The following ZNRF3 variants were observed in gnomAD, a reference collection of about 807,000 sequenced individuals.
ZNRF3 encodes E3 ubiquitin-protein ligase ZNRF3.
In ZNRF3, 23 loss-of-function variants were observed where a neutral mutation model predicts 72.5. That is an observed-to-expected ratio of 0.32 (90% CI 0.23 to 0.45). ZNRF3 has a LOEUF of 0.45. Ranked by LOEUF, ZNRF3 falls within the 20% of genes least tolerant of loss-of-function variation. The pLI, the probability that ZNRF3 is intolerant of heterozygous loss-of-function variation, is 1.00. For synonymous variants in ZNRF3, 610 were observed against 545.3 expected, an observed-to-expected ratio of 1.12 and a Z score of -1.65; for missense variants, 1,169 against 1,272.1, an observed-to-expected ratio of 0.92 and a Z score of 1.23.
chr22:28,911,871 G>C (rs469991), intron 1 of ZNRF3, among the ~76,000 whole-genome samples: 91,019 of 151,930 alleles, frequency 0.6, 28,677 homozygotes, highest in Non-Finnish European at 0.7. Flanking sequence ...CAATAGAGTG[G>C]TAGGCTGGTT....
intron 1 of ZNRF3, among the ~76,000 whole-genome samples, chr22:28,893,852 A>G (rs1278247316): frequency 1.3e-5 from 2 of 152,154 alleles, no homozygotes; most frequent in Non-Finnish European, 2.9e-5. Flanking sequence ...GTTAAGTGAT[A>G]TAAACATTTT....
Position 29,050,415 on chromosome 22 carries a change from C to T in ZNRF3, c.2234C>T (p.Pro745Leu), listed in dbSNP as rs181836208. 636 of 1,607,228 alleles carry T rather than the reference C, an allele frequency of 4.0e-4. 3 individuals carry two copies. In the African/African-American group the frequency reaches 7.3e-3, roughly 18 times the overall value. The change falls in exon 8 of 9, where the codon CCG (proline) becomes CTG (leucine). Residue 745 changes from proline (P) to leucine (L), a missense_variant. Pro to Leu is a moderately conservative substitution (Grantham distance 98). Coordinates refer to ENST00000544604, the MANE Select transcript of ZNRF3 (RefSeq NM_001206998.2). ...LGPHLYEGSGPAGGEPQSGSS... is the reference protein window; with the variant it reads ...LGPHLYEGSGLAGGEPQSGSS... ...CCCCACCTCTACGAGGGCTCTGGCC[C>T]GGCGGGTGGGGAGCCCCAGTCAGGA...
intron 2 of ZNRF3, among the ~76,000 whole-genome samples, chr22:29,036,518 G>A (rs1299349582): frequency 6.6e-6 from 1 of 152,162 alleles, no homozygotes; most frequent in Non-Finnish European, 1.5e-5. Context: ...CTCATCAACA[G>A]ACCGCCTAAC....
intron 2 of ZNRF3, among the ~76,000 whole-genome samples, chr22:29,005,288 A>C (rs1237755061): frequency 6.6e-6 from 1 of 152,210 alleles, no homozygotes; most frequent in Non-Finnish European, 1.5e-5. Context: ...GCCTCACAGA[A>C]ATATTCCTCA....
chr22:28,913,800 T>C (rs1000762938), intron 1 of ZNRF3, among the ~76,000 whole-genome samples: 1 of 152,110 alleles, frequency 6.6e-6, no homozygotes, highest in African/African-American at 2.4e-5. Context: ...CTTGTAGGCA[T>C]TTTGTAGCCT....
chr22:29,000,144 A>C (rs1417370281), intron 2 of ZNRF3, among the ~76,000 whole-genome samples: 1 of 152,222 alleles, frequency 6.6e-6, no homozygotes, highest in East Asian at 1.9e-4. Context: ...GAAATACTTT[A>C]AATTTTGCAT....
At chr22:28,908,567 G>A (rs1027285548) in intron 1 of ZNRF3, among the ~76,000 whole-genome samples, 1 of 152,134 alleles carries the variant, frequency 6.6e-6, no homozygotes, top group South Asian at 2.1e-4. Context: ...TCCTTGTGGA[G>A]CATCATTTGC....
chr22:28,900,189 T>G (rs1165737313), intron 1 of ZNRF3, among the ~76,000 whole-genome samples: 1 of 152,136 alleles, frequency 6.6e-6, no homozygotes, highest in African/African-American at 2.4e-5. Context: ...GGACTCCTCC[T>G]CCCCCAGCTC....
chr22:28,909,747 ATTTTT>A (rs11432409), intron 1 of ZNRF3, among the ~76,000 whole-genome samples: 2 of 113,888 alleles, frequency 1.8e-5, no homozygotes, highest in Admixed American at 1.0e-4. Context: ...TGCCTGGCTA[ATTTTT>A]TTTTTTTTTT....
intron 1 of ZNRF3, among the ~76,000 whole-genome samples, chr22:28,944,920 C>T (rs1177401522): frequency 3.8e-5 from 5 of 133,146 alleles, no homozygotes; most frequent in Non-Finnish European, 7.9e-5. Context: ...AGCGAGACTC[C>T]GTCTCCAAAT....
In ZNRF3 at chr22:28,985,552, A is replaced by G. The variant is rs1197701325; in HGVS notation, c.301-1524A>G. 2.0e-5 allele frequency among the ~76,000 whole-genome samples: 3 copies of G among 152,148 alleles called. No individual in the cohort carries two copies. In the East Asian group the frequency reaches 5.8e-4, roughly 29 times the overall value. On this transcript the variant is annotated intron_variant, in intron 1 of 8. Transcript: ENST00000544604. ...ATTTAGAGCTGGAAACTTTTTTTCTAAGGATTTTATCTCTTAGTCTTTCCC... is the reference window on the plus strand; with the variant it reads ...ATTTAGAGCTGGAAACTTTTTTTCTGAGGATTTTATCTCTTAGTCTTTCCC...
At chr22:28,935,387 G>A (rs940524545) in intron 1 of ZNRF3, among the ~76,000 whole-genome samples, 1 of 152,198 alleles carries the variant, frequency 6.6e-6, no homozygotes, top group Non-Finnish European at 1.5e-5. Flanking sequence ...AAGCCTACTC[G>A]TTGTCAGGTT....
chr22:29,050,707 G>A lies in ZNRF3; in HGVS notation c.2526G>A (p.Leu842=), dbSNP rs55962108. 0.023 allele frequency: 37,718 copies of A among 1,611,774 alleles called. 568 individuals are homozygous for A. Among genetic ancestry groups the A allele is most frequent in the Middle Eastern group, 0.035 (213 of 6,058 alleles). Residue 842 remains leucine, a synonymous_variant, in exon 8 of 9, where the codon CTG becomes CTA. Transcript: ENST00000544604. ...AGGATGTGGACTGTGATCTGGGCCT[G>A]CCCTCGGACTGCCAAGGGACCCACA... ...IPEDVDCDLG[L]PSDCQGTHSL... is the part of the protein sequence containing the mutation.
intron 1 of ZNRF3, among the ~76,000 whole-genome samples, chr22:28,888,346 C>T (rs1238675085): frequency 6.6e-6 from 1 of 152,202 alleles, no homozygotes; most frequent in Non-Finnish European, 1.5e-5. Context: ...GTTAACTTAA[C>T]AGGCCTGCCT....
intron 1 of ZNRF3, among the ~76,000 whole-genome samples, chr22:28,888,717 A>G (rs889322991): frequency 9.2e-5 from 14 of 152,242 alleles, no homozygotes; most frequent in Non-Finnish European, 1.8e-4. Flanking sequence ...CTAACATGCA[A>G]TTAGCAACTA....
intron 1 of ZNRF3, among the ~76,000 whole-genome samples, chr22:28,937,724 A>G (rs1184454945): frequency 6.6e-6 from 1 of 152,172 alleles, no homozygotes; most frequent in East Asian, 1.9e-4. Context: ...GGTACAAGGA[A>G]ATGAACATCG....
chr22:28,929,297 A>G lies in ZNRF3; in HGVS notation c.300+45231A>G, dbSNP rs574026457. On this transcript the variant is annotated intron_variant, in intron 1 of 8. Coordinates refer to ENST00000544604, the MANE Select transcript of ZNRF3 (RefSeq NM_001206998.2). Reference sequence around the variant, plus strand: ...CTTGGGATTCCTTTTTCCTTATTGTAGACGTGGTTTCTCCACCTTGGCACT... The same window carrying G: ...CTTGGGATTCCTTTTTCCTTATTGTGGACGTGGTTTCTCCACCTTGGCACT... 2.0e-5 allele frequency among the ~76,000 whole-genome samples: 3 copies of G among 152,340 alleles called. No homozygotes were observed. In the South Asian group the frequency reaches 6.2e-4, roughly 32 times the overall value.
At chr22:28,924,477 T>A (rs1427036790) in intron 1 of ZNRF3, among the ~76,000 whole-genome samples, 2 of 152,114 alleles carry the variant, frequency 1.3e-5, no homozygotes, top group Non-Finnish European at 2.9e-5. Flanking sequence ...AGCCAGGGCA[T>A]GGTGGCTCAC....
intron 1 of ZNRF3, among the ~76,000 whole-genome samples, chr22:28,968,631 C>A (rs905009956): frequency 6.6e-6 from 1 of 152,170 alleles, no homozygotes; most frequent in Admixed American, 6.5e-5. Flanking sequence ...ATGGCTTGAA[C>A]CCGGGAGGCG....
Sources: allele counts gnomAD v4.1 joint callset (sites outside exome capture counted in the v4.1 genomes callset), GRCh38; gene constraint gnomAD v4.1.1; transcripts MANE v1.5; gene names NCBI Gene and HGNC (gene_info 2026-07-23, HGNC 2026-07-21).